FHIT: variants seen among roughly 807,000 people sequenced by gnomAD.
The protein encoded by FHIT is fragile histidine triad diadenosine triphosphatase, also known as bis(5'-adenosyl)-triphosphatase.
FHIT carries 19 observed loss-of-function variants against 17.9 expected under a neutral mutation model. That is an observed-to-expected ratio of 1.06 (90% CI 0.74 to 1.56). The LOEUF is 1.56. Ranked by LOEUF, FHIT falls within the 40% of genes most tolerant of loss-of-function variation. The pLI, the probability that FHIT is intolerant of heterozygous loss-of-function variation, is 0.00. For synonymous variants in FHIT, 81 were observed against 69.7 expected (o/e 1.16, Z -0.81); for missense variants, 248 against 189.2 (o/e 1.31, Z -1.82).
intron 3 of FHIT, among the ~76,000 whole-genome samples, chr3:60,863,206 G>C (rs1704000045): frequency 6.6e-6 from 1 of 152,180 alleles, no homozygotes; most frequent in African/African-American, 2.4e-5. Flanking sequence ...AGGGAGCTAA[G>C]GGTGGAGCCC....
At position 60,577,510 on chromosome 3, in the gene FHIT, C is replaced by T. The variant is rs150909438; in HGVS notation, c.-17-40531G>A. Among the ~76,000 whole-genome samples, 11 of 152,268 alleles carry T rather than the reference C, an allele frequency of 7.2e-5. No homozygotes were observed. The South Asian group carries it at 1.0e-3, about 14-fold the overall frequency. On this transcript the variant is annotated intron_variant, in intron 4 of 9. Transcript: ENST00000492590. ...AGGAAGCTGGTAATAGACCTCTTAA[C>T]GAAAACGTAGTCAATGGTTCATTTA... is the stretch of plus-strand genomic sequence containing the variant.
chr3:60,666,570 T>C (rs556804304), intron 4 of FHIT, among the ~76,000 whole-genome samples: 32 of 152,346 alleles, frequency 2.1e-4, no homozygotes, highest in Admixed American at 1.6e-3. Flanking sequence ...ACAGATTTCA[T>C]TGGGATTACG....
intron 8 of FHIT, among the ~76,000 whole-genome samples, chr3:59,915,483 T>G (rs1219365185): frequency 6.6e-6 from 1 of 152,184 alleles, no homozygotes; most frequent in Admixed American, 6.5e-5. Context: ...GCCTTGAAGC[T>G]CAACCTGTAG....
intron 5 of FHIT, among the ~76,000 whole-genome samples, chr3:60,220,705 A>G (rs1039822365): frequency 3.9e-5 from 6 of 152,196 alleles, no homozygotes; most frequent in African/African-American, 1.4e-4. Context: ...GGACCTGCTC[A>G]AATTCATGCA....
At chr3:60,226,150 G>C (rs1249950594) in intron 5 of FHIT, among the ~76,000 whole-genome samples, 1 of 152,072 alleles carries the variant, frequency 6.6e-6, no homozygotes, top group African/African-American at 2.4e-5. Flanking sequence ...CAGAGGACTT[G>C]TACAACAGAG....
chr3:60,832,566 T>A (rs1421833324), intron 3 of FHIT, among the ~76,000 whole-genome samples: 1 of 151,948 alleles, frequency 6.6e-6, no homozygotes, highest in Non-Finnish European at 1.5e-5. Flanking sequence ...CCAATTTCAA[T>A]AGAAACCAGC....
chr3:60,547,632 CCTCT>C (rs1008657385), intron 4 of FHIT, among the ~76,000 whole-genome samples: 12 of 152,060 alleles, frequency 7.9e-5, no homozygotes, highest in African/African-American at 2.9e-4. Context: ...ATATTTGTAC[CCTCT>C]CTACCTCCTA....
chr3:61,206,458 T>G (rs1381149329), intron 1 of FHIT, among the ~76,000 whole-genome samples: 9 of 152,004 alleles, frequency 5.9e-5, no homozygotes, highest in Admixed American at 5.2e-4. Context: ...GGGCATGGAA[T>G]GTTCTTCCAT....
intron 2 of FHIT, among the ~76,000 whole-genome samples, chr3:61,077,795 G>A (rs1171005672): frequency 6.6e-6 from 1 of 152,140 alleles, no homozygotes; most frequent in East Asian, 1.9e-4. Context: ...GCTTCCATGT[G>A]AGCAGGCACT....
chr3:60,418,427 C>CGTGT (rs1559897417), intron 5 of FHIT, among the ~76,000 whole-genome samples: 10 of 15,954 alleles, frequency 6.3e-4, no homozygotes, highest in African/African-American at 1.3e-3. Flanking sequence ...TATATATATA[C>CGTGT]GTGTATACAC....
intron 5 of FHIT, among the ~76,000 whole-genome samples, chr3:60,048,606 C>A (rs1234843706): frequency 1.3e-5 from 2 of 152,196 alleles, no homozygotes; most frequent in Non-Finnish European, 2.9e-5. Context: ...TAACGTTCTA[C>A]AAAACGCAAC....
At chr3:60,130,922 T>C (rs1699539440) in intron 5 of FHIT, among the ~76,000 whole-genome samples, 1 of 149,120 alleles carries the variant, frequency 6.7e-6, no homozygotes, top group Admixed American at 6.7e-5. Flanking sequence ...TATGTATACA[T>C]ACATATATGT....
chr3:59,812,025 G>A (rs1700424795), intron 8 of FHIT, among the ~76,000 whole-genome samples: 3 of 152,160 alleles, frequency 2.0e-5, no homozygotes, highest in Admixed American at 2.0e-4. Flanking sequence ...ATACACAGTG[G>A]TTCTCAACTG....
intron 5 of FHIT, among the ~76,000 whole-genome samples, chr3:60,293,393 CAAGAA>C (rs10575967): frequency 0.022 from 3,370 of 152,108 alleles, 119 homozygotes; most frequent in African/African-American, 0.076. Context: ...AGAAGCTAAA[CAAGAA>C]AAGAAGAGGA....
intron 5 of FHIT, among the ~76,000 whole-genome samples, chr3:60,503,328 C>T (rs1163134711): frequency 1.3e-5 from 2 of 152,056 alleles, no homozygotes; most frequent in African/African-American, 4.8e-5. Flanking sequence ...CTTTTGGGTA[C>T]ATGTGAAATT....
chr3:60,614,819 T>C (rs2038898584), intron 4 of FHIT, among the ~76,000 whole-genome samples: 1 of 114,410 alleles, frequency 8.7e-6, no homozygotes, highest in African/African-American at 3.1e-5. Context: ...GTTTTTTTTT[T>C]GTTTTTTTTT....
intron 8 of FHIT, among the ~76,000 whole-genome samples, chr3:59,838,579 T>C (rs1460913209): frequency 6.6e-6 from 1 of 152,118 alleles, no homozygotes; most frequent in African/African-American, 2.4e-5. Context: ...TAGCATCTGC[T>C]CTACTGTGGA....
At chr3:61,006,866 G>T (rs960072255) in intron 3 of FHIT, among the ~76,000 whole-genome samples, 3 of 152,050 alleles carry the variant, frequency 2.0e-5, no homozygotes, top group Non-Finnish European at 2.9e-5. Flanking sequence ...TTAATAATTT[G>T]ATCTATAATA....
chr3:60,663,949 G>C (rs558493775), intron 4 of FHIT, among the ~76,000 whole-genome samples: 1 of 152,284 alleles, frequency 6.6e-6, no homozygotes, highest in African/African-American at 2.4e-5. Context: ...TCTACAAAGA[G>C]AGATTTATTT....
Sources: gnomAD v4.1 joint callset for allele counts (sites outside exome capture counted in the v4.1 genomes callset) on GRCh38, gnomAD v4.1.1 for gene constraint, MANE v1.5 for transcripts, NCBI Gene and HGNC (gene_info 2026-07-23, HGNC 2026-07-21) for gene names.